The following VDR variants were observed in gnomAD, a reference collection of about 807,000 sequenced individuals.
The protein encoded by VDR is vitamin D3 receptor.
In VDR, 19 loss-of-function variants were observed where a neutral mutation model predicts 39.7. That is an observed-to-expected ratio of 0.48 (90% CI 0.33 to 0.70). VDR has a LOEUF of 0.70. Among genes scored for constraint, VDR ranks in the 30% least tolerant of loss-of-function variants. The probability of loss-of-function intolerance (pLI) is 0.02; values close to 1 mark genes in which losing one functional copy is unlikely to be tolerated. For missense variants in VDR, 442 were observed against 570.5 expected (o/e 0.77, Z 2.29); for synonymous variants, 242 against 215.8 (o/e 1.12, Z -1.07).
chr12:47,882,928 A>T (rs1430439654), intron 1 of VDR, 154 bp from the exon 2 acceptor site: 5 of 585,012 alleles, frequency 8.5e-6, no homozygotes, highest in Non-Finnish European at 1.4e-5. Context: ...CAGGCATGCC[A>T]TGTCATCGCT....
Position 47,842,106 on chromosome 12 carries a change from C to T in VDR, c.*2640G>A, listed in dbSNP as rs561471356. 6.6e-6 allele frequency: 1 copy of T among 152,582 alleles called. No homozygotes were observed. The highest frequency in any genetic ancestry group is 1.9e-4 in the East Asian group (1 of 5,320). The allele number at this position is 152,582 out of a possible 1,614,324, so 9.5% of individuals were successfully genotyped here. ...AGGAGTTCCCCGAAGAAGGCAGGGC[C>T]AGAGGGAGAGCTGGGAAGGTGGTGA... On this transcript the variant is annotated 3_prime_UTR_variant, in exon 10 of 10. Coordinates refer to ENST00000549336, the MANE Select transcript of VDR (RefSeq NM_000376.3).
rs544451527 is a variant in VDR, at chr12:47,842,055, C to T, written c.*2691G>A. 1 of 152,454 alleles carries T rather than the reference C, an allele frequency of 6.6e-6. No homozygotes were observed. Among genetic ancestry groups the T allele is most frequent in the Non-Finnish European group, 1.5e-5 (1 of 68,060 alleles). 9.4% of individuals were successfully genotyped at this position (152,454 alleles called of 1,614,324 possible). A position where few individuals can be genotyped will look rare whatever the true frequency, so the allele number is the denominator to read the frequency against. On this transcript the variant is annotated 3_prime_UTR_variant, in exon 10 of 10. Coordinates refer to ENST00000549336, the MANE Select transcript of VDR (RefSeq NM_000376.3). ...TGGAGGAGTGGCCTAGGTGGTGGGG[C>T]CCAGGGCTGAGTAACTGATATTTCC... is the stretch of plus-strand genomic sequence containing the variant.
In VDR at chr12:47,855,639, G is replaced by C. The variant is rs1279681077; in HGVS notation, c.746C>G (p.Pro249Arg). The C allele has an allele frequency of 1.2e-6, 2 of 1,614,168 alleles. No homozygotes were observed. The highest frequency in any genetic ancestry group is 1.7e-6 in the Non-Finnish European group (2 of 1,180,024). Residue 249 changes from proline to arginine, a missense_variant, in exon 7 of 10, where the codon CCA becomes CGA. By Grantham distance (103) the Pro-to-Arg change is moderately radical (BLOSUM62 -2). This residue lies in a region of VDR where 173 missense variants were observed against 252.0 expected (regional missense o/e 0.69). Coordinates refer to ENST00000549336, the MANE Select transcript of VDR (RefSeq NM_000376.3). ...QKVIGFAKMIPGFRDLTSEDQ... is the reference protein window; with the variant it reads ...QKVIGFAKMIRGFRDLTSEDQ... ...TGCAGAAGTTTCTTACCTGAATCCT[G>C]GTATCATCTTAGCAAAGCCAATGAC...
At chr12:47,878,729 C>T in intron 3 of VDR, 1 of 661,388 alleles carries the variant, frequency 1.5e-6, no homozygotes, top group Admixed American at 2.1e-5. Flanking sequence ...AAGACAGAGA[C>T]CCACACAGCA....
chr12:47,882,561 G>C, intron 2 of VDR, 133 bp downstream of exon 2: 2 of 743,948 alleles, frequency 2.7e-6, no homozygotes, highest in Non-Finnish European at 4.4e-6. Context: ...CTGCTGGCCC[G>C]GGACCCACCT....
intron 7 of VDR, among the ~76,000 whole-genome samples, chr12:47,854,978 A>C (rs1289044658): frequency 6.6e-6 from 1 of 152,044 alleles, no homozygotes; most frequent in Non-Finnish European, 1.5e-5. Flanking sequence ...GGATCACTTG[A>C]GGTCAGGAGT....
At chr12:47,883,687 C>A (rs1267133774) in intron 1 of VDR, among the ~76,000 whole-genome samples, 1 of 152,206 alleles carries the variant, frequency 6.6e-6, no homozygotes, top group East Asian at 1.9e-4. Flanking sequence ...GGAGGTGACC[C>A]TGGCAAAGGC....
chr12:47,880,992 C>T (rs966480421), intron 2 of VDR, among the ~76,000 whole-genome samples: 7 of 150,040 alleles, frequency 4.7e-5, no homozygotes, highest in Non-Finnish European at 7.4e-5. Flanking sequence ...GAGAGAAGCA[C>T]TTTCAGAAAG....
chr12:47,849,743 A>G (rs1039632082), intron 7 of VDR, among the ~76,000 whole-genome samples: 1 of 152,228 alleles, frequency 6.6e-6, no homozygotes, highest in African/African-American at 2.4e-5. Flanking sequence ...AAACATACTC[A>G]TTATCAAATC....
chr12:47,904,071 T>C lies in VDR; in HGVS notation c.-84+884A>G, dbSNP rs915725048. On this transcript the variant is annotated intron_variant, in intron 1 of 9. Coordinates refer to ENST00000549336, the MANE Select transcript of VDR (RefSeq NM_000376.3). The stretch of plus-strand genomic sequence containing the variant: ...GAGCCCAGACAGGAGGCTGACTCAC[T>C]CACCGCACGCATAGAGGAGGAGGAG... Among the ~76,000 whole-genome samples the C allele has an allele frequency of 3.3e-5, 5 of 150,616 alleles. No homozygotes were observed. In the East Asian group the frequency reaches 7.9e-4, roughly 24 times the overall value.
At chr12:47,864,955 C>G in intron 4 of VDR, 92 bp downstream of exon 4, 5 of 1,590,034 alleles carry the variant, frequency 3.1e-6, no homozygotes, top group Non-Finnish European at 4.3e-6. Context: ...GAAGGGCAGG[C>G]AGACCCTCTG....
At chr12:47,866,179 C>T (rs1945731000) in intron 3 of VDR, among the ~76,000 whole-genome samples, 1 of 151,814 alleles carries the variant, frequency 6.6e-6, no homozygotes, top group South Asian at 2.1e-4. Context: ...GCGATCTCAG[C>T]TCACTGCAAG....
chr12:47,875,556 G>T (rs567840851), intron 3 of VDR, among the ~76,000 whole-genome samples: 27 of 152,304 alleles, frequency 1.8e-4, no homozygotes, highest in African/African-American at 6.5e-4. Flanking sequence ...AGATCAAAAT[G>T]GAAAACTTCC....
chr12:47,854,327 A>G (rs989230436), intron 7 of VDR, among the ~76,000 whole-genome samples: 4 of 151,728 alleles, frequency 2.6e-5, no homozygotes, highest in Admixed American at 6.6e-5. Context: ...AGGTCTCACT[A>G]TGTTGATCAG....
intron 1 of VDR, among the ~76,000 whole-genome samples, chr12:47,884,399 C>T (rs944349828): frequency 2.0e-5 from 3 of 152,196 alleles, no homozygotes; most frequent in African/African-American, 7.2e-5. Context: ...GTGACTTACC[C>T]AGGGTCCCAC....
At chr12:47,850,733 C>T (rs1945368712) in intron 7 of VDR, among the ~76,000 whole-genome samples, 1 of 152,118 alleles carries the variant, frequency 6.6e-6, no homozygotes, top group Non-Finnish European at 1.5e-5. Flanking sequence ...CTCCGTTCCC[C>T]CTCCCTCACC....
intron 7 of VDR, among the ~76,000 whole-genome samples, chr12:47,855,347 T>A (rs1036467041): frequency 6.2e-5 from 9 of 144,806 alleles, no homozygotes; most frequent in African/African-American, 2.1e-4. Context: ...TAAAAATAAA[T>A]AAATAAATAA....
At chr12:47,845,275 C>T (rs1945258958) in intron 9 of VDR, among the ~76,000 whole-genome samples, 1 of 151,904 alleles carries the variant, frequency 6.6e-6, no homozygotes, top group Non-Finnish European at 1.5e-5. Context: ...CTGTCCATCC[C>T]TCAGCGTCCC....
intron 3 of VDR, among the ~76,000 whole-genome samples, chr12:47,866,723 C>T (rs1273562713): frequency 6.6e-6 from 1 of 152,220 alleles, no homozygotes; most frequent in Admixed American, 6.5e-5. Context: ...GGCACAGTGG[C>T]TCAGGCCTGT....
Sources: gnomAD v4.1 joint callset for allele counts (sites outside exome capture counted in the v4.1 genomes callset) on GRCh38, gnomAD v4.1.1 for gene constraint, gnomAD v4.1.1 regional missense constraint, MANE v1.5 for transcripts, NCBI Gene and HGNC (gene_info 2026-07-23, HGNC 2026-07-21) for gene names.